CRADD: variants seen among roughly 807,000 people sequenced by gnomAD.
The protein encoded by CRADD is CARD and death domain containing adaptor protein, also known as death domain-containing protein CRADD.
Under a neutral mutation model 15.5 loss-of-function variants are expected in CRADD, and 9 were observed. The observed-to-expected ratio is 0.58, with a 90% confidence interval of 0.35 to 1.01. CRADD has a LOEUF of 1.01. Ranked by LOEUF, CRADD falls within the 50% of genes least tolerant of loss-of-function variation. The pLI, the probability that CRADD is intolerant of heterozygous loss-of-function variation, is 0.02. For missense variants in CRADD, 227 were observed against 250.3 expected (o/e 0.91, Z 0.63); for synonymous variants, 118 against 107.6 (o/e 1.10, Z -0.60).
chr12:93,715,728 A>T (rs1956149955), intron 2 of CRADD, among the ~76,000 whole-genome samples: 1 of 152,236 alleles, frequency 6.6e-6, no homozygotes, highest in Non-Finnish European at 1.5e-5. Context: ...AGATTTTTCC[A>T]AACTCTTTTT....
At chr12:93,885,912 A>ATG (rs1958533485) in intron 2 of CRADD, among the ~76,000 whole-genome samples, 2 of 151,992 alleles carry the variant, frequency 1.3e-5, no homozygotes, top group Admixed American at 6.6e-5. Context: ...GATGGCACGC[A>ATG]CCTGTAATCC....
rs1471410300 is a variant in CRADD at position 93,850,495 on chromosome 12, A to AG, written c.*225dup. The AG allele has an allele frequency of 2.0e-5, 26 of 1,297,060 alleles. No individual in the cohort carries two copies. In the African/African-American group the frequency reaches 3.7e-4, roughly 18 times the overall value. The allele number at this position is 1,297,060 out of a possible 1,614,324, so 80.3% of individuals were successfully genotyped here. ...CAATTCTTTGTTTTTAATTGCTTGA[A>AG]GATTGCATTGTTGTAATTGTTCAGT... On this transcript the variant is annotated 3_prime_UTR_variant, in exon 3 of 3. Coordinates refer to ENST00000332896, the MANE Select transcript of CRADD (RefSeq NM_003805.5). This position sits in a 1 kb window ranked among gnomAD's most constrained non-coding sequence, Gnocchi z 4.0.
At chr12:93,785,429 A>G (rs1464510531) in intron 2 of CRADD, among the ~76,000 whole-genome samples, 2 of 152,170 alleles carry the variant, frequency 1.3e-5, no homozygotes, top group Non-Finnish European at 2.9e-5. Context: ...ACTCACTGGT[A>G]TGCGTCTTCC....
rs143254980 is a variant in CRADD, at chr12:93,843,487, C to T, written c.299-6483C>T. Among the ~76,000 whole-genome samples, 789 of 148,096 alleles carry T rather than the reference C, an allele frequency of 5.3e-3. 3 individuals are homozygous for T. Among genetic ancestry groups the T allele is most frequent in the Admixed American group, 9.7e-3 (143 of 14,668 alleles). Reference sequence around the variant, plus strand: ...CTCCGCCTCCCAGAGTCAAACAATTCTCCTGCCTTAGCCTCCCAAGTAGCT... The same window carrying T: ...CTCCGCCTCCCAGAGTCAAACAATTTTCCTGCCTTAGCCTCCCAAGTAGCT... On this transcript the variant is annotated intron_variant, in intron 2 of 2. Transcript: ENST00000332896.
intron 2 of CRADD, among the ~76,000 whole-genome samples, chr12:93,750,472 G>A (rs1296221784): frequency 1.3e-5 from 2 of 152,042 alleles, no homozygotes; most frequent in Non-Finnish European, 2.9e-5. Flanking sequence ...TAACTCTAAA[G>A]GTTTTGTTTT....
chr12:93,822,676 G>C (rs1279431939), intron 2 of CRADD, among the ~76,000 whole-genome samples: 1 of 152,142 alleles, frequency 6.6e-6, no homozygotes, highest in Admixed American at 6.5e-5. Context: ...GTCTCTATTG[G>C]ATTATTCTGT....
chr12:93,765,093 A>C (rs1451109449), intron 2 of CRADD, among the ~76,000 whole-genome samples: 1 of 152,158 alleles, frequency 6.6e-6, no homozygotes, highest in Non-Finnish European at 1.5e-5. Flanking sequence ...TCAGAAACGT[A>C]ACATGTAGTC....
At chr12:93,759,822 G>T (rs1956929473) in intron 2 of CRADD, among the ~76,000 whole-genome samples, 1 of 152,206 alleles carries the variant, frequency 6.6e-6, no homozygotes, top group Non-Finnish European at 1.5e-5. Flanking sequence ...GGCAGAAGTT[G>T]CCAAAGGAAA....
chr12:93,687,653 T>C (rs1469957886), intron 2 of CRADD, among the ~76,000 whole-genome samples: 2 of 152,236 alleles, frequency 1.3e-5, no homozygotes, highest in African/African-American at 4.8e-5. Context: ...AAGTCGTGGC[T>C]TCCCAAAGCT....
In CRADD at chr12:93,738,801, A is replaced by G. The variant is rs985269555; in HGVS notation, c.298+59729A>G. Among the ~76,000 whole-genome samples, 126 of 150,734 alleles carry G rather than the reference A, an allele frequency of 8.4e-4. 1 individual carries two copies. Among genetic ancestry groups the G allele is most frequent in the African/African-American group, 3.0e-3 (123 of 41,404 alleles). ...TCACAAACTCTGACTAGAAAGAAAA[A>G]GAGAAGAGAGAGAGGGAAGGAGAAA... On this transcript the variant is annotated intron_variant, in intron 2 of 2. Coordinates refer to ENST00000332896, the MANE Select transcript of CRADD (RefSeq NM_003805.5).
intron 2 of CRADD, among the ~76,000 whole-genome samples, chr12:93,757,354 G>T (rs1224323794): frequency 6.6e-6 from 1 of 152,148 alleles, no homozygotes; most frequent in African/African-American, 2.4e-5. Context: ...CTATGTGGCT[G>T]CCCCAAGAGT....
At chr12:93,766,443 A>G (rs1262971628) in intron 2 of CRADD, among the ~76,000 whole-genome samples, 1 of 152,198 alleles carries the variant, frequency 6.6e-6, no homozygotes, top group African/African-American at 2.4e-5. Flanking sequence ...ACAAAAGCTA[A>G]TAGACTTCCA....
intron 2 of CRADD, among the ~76,000 whole-genome samples, chr12:93,892,445 A>G (rs1304180513): frequency 6.6e-6 from 1 of 152,230 alleles, no homozygotes; most frequent in Non-Finnish European, 1.5e-5. Flanking sequence ...TGTAAGGATT[A>G]CGTTGTGATT....
At chr12:93,744,710 A>G (rs934875320) in intron 2 of CRADD, among the ~76,000 whole-genome samples, 4 of 152,216 alleles carry the variant, frequency 2.6e-5, no homozygotes, top group Non-Finnish European at 5.9e-5. Flanking sequence ...AAAATTTTGC[A>G]AGGTAAAATT....
At position 93,857,840 on chromosome 12, in the gene CRADD, C is replaced by T. The variant is rs565294316; in HGVS notation, c.299-36210C>T. Reference sequence around the variant, plus strand: ...CACATCATCTCTTTACAACCAGAGCCCCCAGACAGAGGAGGACTGAGTCTT... The same window carrying T: ...CACATCATCTCTTTACAACCAGAGCTCCCAGACAGAGGAGGACTGAGTCTT... On this transcript the variant is annotated intron_variant, in intron 2 of 2. Transcript: ENST00000548483. Among the ~76,000 whole-genome samples, 3 of 152,304 alleles carry T rather than the reference C, an allele frequency of 2.0e-5. No homozygotes were observed. The South Asian group carries it at 6.2e-4, about 32-fold the overall frequency.
At chr12:93,825,679 A>C (rs978683232) in intron 2 of CRADD, among the ~76,000 whole-genome samples, 3 of 152,190 alleles carry the variant, frequency 2.0e-5, no homozygotes, top group African/African-American at 7.2e-5. Flanking sequence ...GGGCTGGCTA[A>C]GCCTAGGAGA....
In CRADD at chr12:93,850,190, G is replaced by A; in HGVS notation, c.519G>A (p.Lys173=). ...AFIRWRQRFG[K]QATFQSLHNG... Reference sequence around the variant, plus strand: ...TCCGTTGGCGGCAGCGCTTCGGGAAGCAGGCCACCTTCCAGAGCCTGCACA... The same window carrying A: ...TCCGTTGGCGGCAGCGCTTCGGGAAACAGGCCACCTTCCAGAGCCTGCACA... The change falls in exon 3 of 3, where the codon AAG becomes AAA. Residue 173 remains lysine, a synonymous_variant. Coordinates refer to ENST00000332896, the MANE Select transcript of CRADD (RefSeq NM_003805.5). The surrounding 1 kb of genome is among the most constrained non-coding windows in gnomAD (Gnocchi z 4.0). 1 of 1,613,652 alleles carries A rather than the reference G, an allele frequency of 6.2e-7. No individual in the cohort carries two copies. Among genetic ancestry groups the A allele is most frequent in the Non-Finnish European group, 8.5e-7 (1 of 1,179,732 alleles).
intron 2 of CRADD, among the ~76,000 whole-genome samples, chr12:93,827,404 T>G (rs1957836264): frequency 6.6e-6 from 1 of 152,246 alleles, no homozygotes; most frequent in South Asian, 2.1e-4. Flanking sequence ...ACTTTGTCCC[T>G]TTTTAATGTA....
chr12:93,882,040 C>T (rs965762244), intron 2 of CRADD, among the ~76,000 whole-genome samples: 3 of 152,118 alleles, frequency 2.0e-5, no homozygotes, highest in Non-Finnish European at 4.4e-5. Context: ...AGGAGAATCG[C>T]TTGAACCCAT....
Sources: allele counts gnomAD v4.1 joint callset (sites outside exome capture counted in the v4.1 genomes callset), GRCh38; gene constraint gnomAD v4.1.1; non-coding constraint Gnocchi (gnomAD v3.1); transcripts MANE v1.5; gene names NCBI Gene and HGNC (gene_info 2026-07-23, HGNC 2026-07-21).